CD163: variants seen among roughly 807,000 people sequenced by gnomAD.
CD163 encodes scavenger receptor cysteine-rich type 1 protein M130.
Under a neutral mutation model 129.2 loss-of-function variants are expected in CD163, and 64 were observed. The observed-to-expected ratio is 0.50, with a 90% CI of 0.41 to 0.61. The LOEUF (loss-of-function observed/expected upper bound fraction) is 0.61, where lower values mean the gene tolerates loss of function less well. Ranked by LOEUF, CD163 falls within the 20% of genes least tolerant of loss-of-function variation. The pLI is 0.00. For synonymous variants in CD163, 446 were observed against 478.5 expected (o/e 0.93, Z 0.89); for missense variants, 1,061 against 1,377.9 (o/e 0.77, Z 3.64).
At chr12:7,486,460 T>C (rs1344471685) in intron 10 of CD163, 39 bp downstream of exon 10, 2 of 1,564,214 alleles carry the variant, frequency 1.3e-6, no homozygotes, top group East Asian at 4.5e-5. Flanking sequence ...CAGTCCTTTC[T>C]CTATGTAATT....
chr12:7,492,907 AT>A (rs1228524069), intron 6 of CD163, among the ~76,000 whole-genome samples: 1 of 152,216 alleles, frequency 6.6e-6, no homozygotes, highest in South Asian at 2.1e-4. Flanking sequence ...CAAAGACGGA[AT>A]TTAGGTCTTG....
intron 6 of CD163, among the ~76,000 whole-genome samples, chr12:7,493,845 A>T (rs922510074): frequency 2.0e-4 from 31 of 151,764 alleles, no homozygotes; most frequent in African/African-American, 5.6e-4. Context: ...ATGGTTTTTT[A>T]AAAAAAAATT....
chr12:7,480,042 T>C (rs2136692478), intron 15 of CD163, 129 bp from the exon 16 acceptor site: 1 of 1,577,876 alleles, frequency 6.3e-7, no homozygotes, highest in Non-Finnish European at 8.6e-7. Flanking sequence ...AGACCTCTTC[T>C]CACGTAACTG....
rs192416781 is a variant in CD163, at chr12:7,492,478, T to C, written c.1420+2603A>G. On this transcript the variant is annotated intron_variant, in intron 6 of 16. Coordinates refer to ENST00000432237, the MANE Select transcript of CD163 (RefSeq NM_203416.4). The stretch of plus-strand genomic sequence containing the variant: ...TGAGAGGCTAAAAACCTAAGGAGTC[T>C]TACACATGGTAAAATATTTGGGTAA... 2.5e-3 allele frequency among the ~76,000 whole-genome samples: 378 copies of C among 152,246 alleles called. 2 individuals carry two copies. Among genetic ancestry groups the C allele is most frequent in the African/African-American group, 8.9e-3 (370 of 41,552 alleles).
chr12:7,477,065 G>A (rs1342900229), intron 16 of CD163, among the ~76,000 whole-genome samples: 2 of 152,168 alleles, frequency 1.3e-5, no homozygotes, highest in African/African-American at 4.8e-5. Flanking sequence ...TTAGAATGGT[G>A]ATCATTAAAA....
rs1477135160 is a variant in CD163, at chr12:7,486,590, A to G, written c.2367T>C (p.Asn789=). The G allele has an allele frequency of 6.2e-7, 1 of 1,614,074 alleles. No individual in the cohort carries two copies. Among genetic ancestry groups the G allele is most frequent in the Admixed American group, 1.7e-5 (1 of 60,008 alleles). ...ACTGCCAAATGCGGGATTCTTTTCC[A>G]TTGCATTTCATCTCATCCAGCCAGA... ...GPIWLDEMKC[N]GKESRIWQCH... is the part of the protein sequence containing the mutation. The change falls in exon 10 of 17, where the codon AAT becomes AAC. Residue 789 remains asparagine, a synonymous_variant. Transcript: ENST00000432237.
In CD163 at chr12:7,496,235, C is replaced by A. The variant is rs1949399365; in HGVS notation, c.1099+578G>T. Among the ~76,000 whole-genome samples, 1 of 152,054 alleles carries A rather than the reference C, an allele frequency of 6.6e-6. No individual in the cohort carries two copies. The highest frequency in any genetic ancestry group is 2.4e-5 in the African/African-American group (1 of 41,380). ...CAAACTAACACACAAGAACAGAAAA[C>A]CAAACACTGCATGTTCTCACTCATA... On this transcript the variant is annotated intron_variant, in intron 5 of 16. Coordinates refer to ENST00000432237, the MANE Select transcript of CD163 (RefSeq NM_203416.4). This position sits in a 1 kb window ranked among gnomAD's most constrained non-coding sequence, Gnocchi z 4.8.
At chr12:7,497,324 A>C (rs1480195132) in intron 4 of CD163, among the ~76,000 whole-genome samples, 191 bp from the exon 5 acceptor site, 1 of 152,214 alleles carries the variant, frequency 6.6e-6, no homozygotes, top group African/African-American at 2.4e-5. Context: ...AAGATGGGAC[A>C]TCTCAGTATA....
Position 7,482,728 on chromosome 12 carries a change from G to A in CD163, c.3162C>T (p.Val1054=), listed in dbSNP as rs779810295. The A allele has an allele frequency of 2.5e-6, 4 of 1,613,890 alleles. No individual in the cohort carries two copies. The highest frequency in any genetic ancestry group is 2.2e-5 in the East Asian group (1 of 44,892). The change falls in exon 14 of 17, where the codon GTC becomes GTT. Residue 1054 remains valine, a synonymous_variant. Transcript: ENST00000432237. ...RSSRQSSFIA[V]GILGVVLLAI... is the part of the protein sequence containing the mutation. ...CCAACAGAACAACCCCAAGGATCCC[G>A]ACTGCAATAAAGGATGACTGACGGG...
chr12:7,479,572 A>G (rs186223307), intron 16 of CD163, among the ~76,000 whole-genome samples: 6 of 152,234 alleles, frequency 3.9e-5, no homozygotes, highest in African/African-American at 1.4e-4. Flanking sequence ...TTTTCCTGAA[A>G]TGATACCTGT....
At chr12:7,473,871 T>G (rs1591989251) in intron 16 of CD163, among the ~76,000 whole-genome samples, 1 of 151,310 alleles carries the variant, frequency 6.6e-6, no homozygotes, top group South Asian at 2.1e-4. Context: ...AATAAAAGGA[T>G]GGAGGAAAAC....
chr12:7,499,809 C>A (rs745981914), intron 3 of CD163, among the ~76,000 whole-genome samples: 1 of 151,892 alleles, frequency 6.6e-6, no homozygotes, highest in African/African-American at 2.4e-5. Flanking sequence ...GAAGAGGAAG[C>A]GGAGAAAGAA....
Position 7,483,694 on chromosome 12 carries a change from G to T in CD163, c.2780-19C>A. On this transcript the variant is annotated intron_variant, in intron 11 of 16. Coordinates refer to ENST00000432237, the MANE Select transcript of CD163 (RefSeq NM_203416.4). ...ATCTTGTCTGAAAAATCAGAGACATGTAGCCTATTTCTAAGACTTCTAAAA... is the reference window on the plus strand; with the variant it reads ...ATCTTGTCTGAAAAATCAGAGACATTTAGCCTATTTCTAAGACTTCTAAAA... 6.4e-7 allele frequency: 1 copy of T among 1,574,002 alleles called. No individual in the cohort carries two copies. The highest frequency in any genetic ancestry group is 8.6e-7 in the Non-Finnish European group (1 of 1,156,362).
At chr12:7,500,421 C>CAAAAAAA (rs71953455) in intron 3 of CD163, among the ~76,000 whole-genome samples, 64 of 63,920 alleles carry the variant, frequency 1.0e-3, no homozygotes, top group Non-Finnish European at 1.5e-3. Flanking sequence ...CAATTCGTCC[C>CAAAAAAA]AAAAAAAAAA....
intron 3 of CD163, among the ~76,000 whole-genome samples, chr12:7,499,814 AAAG>A (rs1482678262): frequency 6.6e-6 from 1 of 152,168 alleles, no homozygotes; most frequent in Non-Finnish European, 1.5e-5. Flanking sequence ...GGAAGCGGAG[AAAG>A]AAGAAAGAGA....
chr12:7,500,642 G>C (rs939782027), intron 3 of CD163, among the ~76,000 whole-genome samples: 1 of 152,094 alleles, frequency 6.6e-6, no homozygotes, highest in Admixed American at 6.6e-5. Context: ...CACTGGTCAA[G>C]CAATTATACT....
chr12:7,502,239 T>C (rs1286272242), intron 2 of CD163, among the ~76,000 whole-genome samples: 1 of 152,244 alleles, frequency 6.6e-6, no homozygotes, highest in Non-Finnish European at 1.5e-5. Flanking sequence ...TCAACATTAT[T>C]TCTAATCTTT....
intron 16 of CD163, among the ~76,000 whole-genome samples, chr12:7,475,581 A>G (rs971012291): frequency 6.6e-6 from 1 of 152,196 alleles, no homozygotes; most frequent in African/African-American, 2.4e-5. Context: ...TATTGATGAA[A>G]CGTATCTCAA....
At position 7,487,284 on chromosome 12, in the gene CD163, C is replaced by A; in HGVS notation, c.2050+75G>T. 7.0e-7 allele frequency: 1 copy of A among 1,426,232 alleles called. No individual in the cohort carries two copies. Among genetic ancestry groups the A allele is most frequent in the Non-Finnish European group, 9.4e-7 (1 of 1,063,916 alleles). 88.3% of individuals were successfully genotyped at this position (1,426,232 alleles called of 1,614,324 possible). ...CATGACCCTTCAAAATGGATCACTGCGTTTTACTTTTGTTCTTCATCCCTA... is the reference window on the plus strand; with the variant it reads ...CATGACCCTTCAAAATGGATCACTGAGTTTTACTTTTGTTCTTCATCCCTA... On this transcript the variant is annotated intron_variant, in intron 8 of 16. Transcript: ENST00000432237. This position sits in a 1 kb window ranked among gnomAD's most constrained non-coding sequence, Gnocchi z 5.1.
Sources: allele counts gnomAD v4.1 joint callset (sites outside exome capture counted in the v4.1 genomes callset), GRCh38; gene constraint gnomAD v4.1.1; non-coding constraint Gnocchi (gnomAD v3.1); transcripts MANE v1.5; gene names NCBI Gene and HGNC (gene_info 2026-07-23, HGNC 2026-07-21).